Variants in FBN1 observed in about 807,000 individuals in gnomAD.
FBN1 encodes fibrillin-1.
FBN1 carries 29 observed loss-of-function variants against 365.1 expected under a neutral mutation model. The ratio of observed to expected loss-of-function variants is 0.08; its 90% CI spans 0.06 to 0.11. The LOEUF is 0.11. Among genes scored for constraint, FBN1 ranks in the 10% least tolerant of loss-of-function variants. The pLI, the probability that FBN1 is intolerant of heterozygous loss-of-function variation, is 1.00. For missense variants in FBN1, 2,476 were observed against 3,703.2 expected (o/e 0.67, Z 8.60); for synonymous variants, 1,210 against 1,270.5 (o/e 0.95, Z 1.01).
intron 6 of FBN1, among the ~76,000 whole-genome samples, chr15:48,573,154 G>T (rs532549321): frequency 6.6e-6 from 1 of 152,236 alleles, no homozygotes; most frequent in Non-Finnish European, 1.5e-5. Flanking sequence ...AACTAAGAAA[G>T]AAATCTTTCT....
intron 43 of FBN1, among the ~76,000 whole-genome samples, chr15:48,457,867 A>G (rs1238281029): frequency 6.6e-6 from 1 of 152,100 alleles, no homozygotes. Context: ...CAAGCAGCCA[A>G]TGAAAGGCAG....
intron 6 of FBN1, among the ~76,000 whole-genome samples, chr15:48,567,029 C>T (rs2044262950): frequency 1.3e-5 from 2 of 152,120 alleles, no homozygotes; most frequent in South Asian, 4.1e-4. Context: ...CCTGCCAAAT[C>T]GGAATCTGCT....
chr15:48,640,055 G>T (rs180743857), intron 2 of FBN1, among the ~76,000 whole-genome samples: 1 of 152,056 alleles, frequency 6.6e-6, no homozygotes, highest in Non-Finnish European at 1.5e-5. Context: ...TACACAAGAC[G>T]ATAAAGGAAC....
At chr15:48,636,357 A>G (rs1191581639) in intron 2 of FBN1, among the ~76,000 whole-genome samples, 3 of 152,190 alleles carry the variant, frequency 2.0e-5, no homozygotes, top group African/African-American at 7.2e-5. Flanking sequence ...TCGAGGACAT[A>G]TGAGTCCATG....
intron 7 of FBN1, among the ~76,000 whole-genome samples, chr15:48,536,408 C>T (rs753117507): frequency 1.3e-4 from 20 of 152,192 alleles, no homozygotes; most frequent in Admixed American, 3.9e-4. Context: ...GCAGCTGAGG[C>T]AGTTAAAAGT....
intron 10 of FBN1, among the ~76,000 whole-genome samples, chr15:48,518,300 C>A (rs1479175885): frequency 1.3e-5 from 2 of 152,156 alleles, no homozygotes; most frequent in Admixed American, 1.3e-4. Context: ...ACTGTGTAGT[C>A]TGTGAAGTCA....
intron 6 of FBN1, among the ~76,000 whole-genome samples, chr15:48,542,143 G>T (rs2044062689): frequency 6.6e-6 from 1 of 152,146 alleles, no homozygotes; most frequent in African/African-American, 2.4e-5. Context: ...GCCCAGCTCT[G>T]CAGCTCAGAA....
chr15:48,414,952 T>A (rs1396522276), intron 64 of FBN1, among the ~76,000 whole-genome samples: 1 of 151,926 alleles, frequency 6.6e-6, no homozygotes, highest in Non-Finnish European at 1.5e-5. Context: ...CACCTATAAT[T>A]TGGTGAAGTG....
At chr15:48,487,556 A>G in intron 27 of FBN1, 119 bp from the exon 28 acceptor site, 1 of 1,390,202 alleles carries the variant, frequency 7.2e-7, no homozygotes, top group Non-Finnish European at 1.0e-6. Context: ...AAGGTGGGAC[A>G]ACTCTCTGGT....
intron 6 of FBN1, among the ~76,000 whole-genome samples, chr15:48,568,084 G>GAAAGAAAGAAAGAAAGAAAGA (rs1447250769): frequency 7.7e-6 from 1 of 130,656 alleles, no homozygotes; most frequent in African/African-American, 2.9e-5. Context: ...AAGAAAGAAA[G>GAAAGAAAGAAAGAAAGAAAGA]ACTATCTTTA....
chr15:48,427,505 TTTCACACAAAAAACAAATAAATAGA>T, intron 58 of FBN1, 37 bp downstream of exon 58: 1 of 1,542,962 alleles, frequency 6.5e-7, no homozygotes, highest in South Asian at 1.1e-5. Flanking sequence ...TTCATCTGTG[TTTCACACAAAAAACAAATAAATAGA>T]TTCCCTGCAA....
chr15:48,433,713 GCTGA>G (rs1364691025), intron 54 of FBN1, among the ~76,000 whole-genome samples: 9 of 152,210 alleles, frequency 5.9e-5, no homozygotes, highest in African/African-American at 2.2e-4. Context: ...CAAGGCCAGT[GCTGA>G]CTAAGAACAC....
At chr15:48,468,374 A>G (rs763612776) in intron 37 of FBN1, 38 bp downstream of exon 37, 3 of 1,613,142 alleles carry the variant, frequency 1.9e-6, no homozygotes, top group Non-Finnish European at 2.5e-6. Flanking sequence ...AATAATACAC[A>G]GTATGCTTGC....
intron 63 of FBN1, among the ~76,000 whole-genome samples, chr15:48,417,104 C>T (rs73390292): frequency 0.025 from 3,747 of 152,300 alleles, 81 homozygotes; most frequent in East Asian, 0.082. Context: ...GCCATCCATG[C>T]GCTTTCCTTT....
At chr15:48,416,186 C>T (rs76155368) in intron 63 of FBN1, among the ~76,000 whole-genome samples, 1,817 of 152,312 alleles carry the variant, frequency 0.012, 10 homozygotes, top group Admixed American at 0.018. Flanking sequence ...CAGTTCTCTG[C>T]GTACTTGCTT....
rs545672606 is a variant in FBN1, at chr15:48,409,922, T to C, written c.*1068A>G. 2.0e-5 allele frequency: 3 copies of C among 152,468 alleles called. No individual in the cohort carries two copies. The highest frequency in any genetic ancestry group is 4.1e-4 in the South Asian group (2 of 4,822). The allele number at this position is 152,468 out of a possible 1,614,324, so 9.4% of individuals were successfully genotyped here. A position where few individuals can be genotyped will look rare whatever the true frequency, so the allele number is the denominator to read the frequency against. On this transcript the variant is annotated 3_prime_UTR_variant, in exon 66 of 66. Transcript: ENST00000316623. ...ATGGATAAAACAAGGGATCGACTCA[T>C]ATGTTAAATTTTCTTCTAGTGGTTA...
chr15:48,629,047 G>A (rs578086413), intron 2 of FBN1, among the ~76,000 whole-genome samples: 29 of 152,324 alleles, frequency 1.9e-4, no homozygotes, highest in Admixed American at 1.2e-3. Context: ...CTCCAGTGGT[G>A]AAAGCCATGT....
chr15:48,578,724 G>A (rs2044367868), intron 6 of FBN1, among the ~76,000 whole-genome samples: 1 of 150,418 alleles, frequency 6.6e-6, no homozygotes, highest in Admixed American at 6.6e-5. Flanking sequence ...GATGAAATTG[G>A]AAACCATCAT....
intron 7 of FBN1, among the ~76,000 whole-genome samples, chr15:48,537,028 A>G (rs890284919): frequency 1.3e-5 from 2 of 152,212 alleles, no homozygotes; most frequent in African/African-American, 4.8e-5. Flanking sequence ...CTGGAAGAAC[A>G]GGAGTAAAAG....
Sources: gnomAD v4.1 joint callset for allele counts (sites outside exome capture counted in the v4.1 genomes callset) on GRCh38, gnomAD v4.1.1 for gene constraint, MANE v1.5 for transcripts, NCBI Gene and HGNC (gene_info 2026-07-23, HGNC 2026-07-21) for gene names.